Variants in MOV10L1 observed in about 807,000 individuals in gnomAD.
MOV10L1 encodes RNA helicase Mov10l1.
Under a neutral mutation model 143.8 loss-of-function variants are expected in MOV10L1, and 110 were observed. The observed-to-expected ratio is 0.76, with a 90% CI of 0.66 to 0.90. MOV10L1 has a LOEUF of 0.90. Among genes scored for constraint, MOV10L1 ranks in the 40% least tolerant of loss-of-function variants. The pLI is 0.00. For missense variants in MOV10L1, 1,406 were observed against 1,526.8 expected, an observed-to-expected ratio of 0.92 and a Z score of 1.32; for synonymous variants, 593 against 581.1, an observed-to-expected ratio of 1.02 and a Z score of -0.29.
At chr22:50,091,761 A>AC (rs2062449867) in intron 1 of MOV10L1, among the ~76,000 whole-genome samples, 1 of 151,946 alleles carries the variant, frequency 6.6e-6, no homozygotes, top group Non-Finnish European at 1.5e-5. Flanking sequence ...CAGGGCTGTC[A>AC]CCTCCACAAC....
intron 2 of MOV10L1, chr22:50,096,252 A>AT (rs1449064320): frequency 1.3e-5 from 2 of 152,236 alleles, no homozygotes; most frequent in Non-Finnish European, 2.9e-5. Context: ...AATACCTCAT[A>AT]TAAGCGGAAT....
intron 15 of MOV10L1, among the ~76,000 whole-genome samples, chr22:50,138,577 GA>G (rs2062897037): frequency 6.6e-6 from 1 of 151,122 alleles, no homozygotes; most frequent in African/African-American, 2.4e-5. Flanking sequence ...AAATAGAAAA[GA>G]AAAAAAATCT....
intron 13 of MOV10L1, among the ~76,000 whole-genome samples, chr22:50,130,732 A>G (rs2062649524): frequency 6.6e-6 from 1 of 152,192 alleles, no homozygotes; most frequent in Non-Finnish European, 1.5e-5. Flanking sequence ...GGTAGAAGGC[A>G]CACAGCCTCC....
rs764138000 is a variant in MOV10L1 at position 50,134,568 on chromosome 22, G to C, written c.2008G>C (p.Val670Leu). Residue 670 changes from valine to leucine, a missense_variant, in exon 15 of 27, where the codon GTG becomes CTG. Physicochemically the swap from Val to Leu is conservative, Grantham distance 32. Coordinates refer to ENST00000262794, the MANE Select transcript of MOV10L1 (RefSeq NM_018995.3). ...PEEIILQSPQVTGNWNHAQDT... is the reference protein window; with the variant it reads ...PEEIILQSPQLTGNWNHAQDT... ...AGAAATTATTTTACAGTCTCCACAA[G>C]TGACGGGAAATTGGAACCATGCACA... The C allele has an allele frequency of 1.2e-6, 2 of 1,614,202 alleles. No homozygotes were observed. The highest frequency in any genetic ancestry group is 8.5e-7 in the Non-Finnish European group (1 of 1,180,024).
chr22:50,141,609 G>A (rs2062990251), intron 15 of MOV10L1, among the ~76,000 whole-genome samples: 1 of 152,026 alleles, frequency 6.6e-6, no homozygotes, highest in Non-Finnish European at 1.5e-5. Context: ...CACAGTGGTG[G>A]GATGATAAGC....
chr22:50,117,152 T>G lies in MOV10L1; in HGVS notation c.1260-5T>G. On this transcript the variant is annotated splice_region_variant and splice_polypyrimidine_tract_variant and intron_variant, in intron 8 of 26. Transcript: ENST00000262794. ...AAAACTAAATTTCATTTTGTTTTTT[T>G]CAAGAAATCCTGGCCGCTGCAAGGA... 6.3e-7 allele frequency: 1 copy of G among 1,585,180 alleles called. No homozygotes were observed. The highest frequency in any genetic ancestry group is 8.6e-7 in the Non-Finnish European group (1 of 1,167,722).
At chr22:50,114,736 G>A (rs2062122137) in intron 7 of MOV10L1, 114 bp downstream of exon 7, 3 of 1,456,970 alleles carry the variant, frequency 2.1e-6, no homozygotes, top group Non-Finnish European at 2.8e-6. Context: ...CAGCTACAGT[G>A]CTTTGTGCTC....
At chr22:50,098,867 G>A (rs2062664875) in intron 2 of MOV10L1, among the ~76,000 whole-genome samples, 1 of 152,088 alleles carries the variant, frequency 6.6e-6, no homozygotes, top group Admixed American at 6.6e-5. Flanking sequence ...TTTATTGAGT[G>A]TTTGCATCAT....
chr22:50,160,721 C>A lies in MOV10L1; in HGVS notation c.3358C>A (p.Arg1120=). Reference sequence around the variant, plus strand: ...AAATGAAGATAGATTTGAAGATGATCGATATTTTTTGGGTTTCTTGTCCAA... The same window carrying A: ...AAATGAAGATAGATTTGAAGATGATAGATATTTTTTGGGTTTCTTGTCCAA... ...RSNEDRFEDD[R]YFLGFLSNSK... Residue 1120 remains arginine (R), a synonymous_variant, in exon 25 of 27, where the codon CGA becomes AGA. Coordinates refer to ENST00000262794, the MANE Select transcript of MOV10L1 (RefSeq NM_018995.3). 1 of 1,614,004 alleles carries A rather than the reference C, an allele frequency of 6.2e-7. No homozygotes were observed. The highest frequency in any genetic ancestry group is 8.5e-7 in the Non-Finnish European group (1 of 1,179,992).
chr22:50,120,446 C>A, intron 9 of MOV10L1, 56 bp from the exon 10 acceptor site: 1 of 1,099,854 alleles, frequency 9.1e-7, no homozygotes, highest in South Asian at 1.4e-5. Context: ...GTAAGAATGT[C>A]TAGTGATACC....
At position 50,090,009 on chromosome 22, in the gene MOV10L1, G is replaced by T; in HGVS notation, c.-80G>T. On this transcript the variant is annotated 5_prime_UTR_variant, in exon 1 of 27. Coordinates refer to ENST00000262794, the MANE Select transcript of MOV10L1 (RefSeq NM_018995.3). ...CATGCCCAGGCGCGGCGACCCCATT[G>T]GTGGCGGGCGGCGGGAGCGGCGCGG... The T allele has an allele frequency of 9.1e-7, 1 of 1,098,338 alleles. No homozygotes were observed. Among genetic ancestry groups the T allele is most frequent in the Non-Finnish European group, 1.1e-6 (1 of 893,620 alleles). The allele number at this position is 1,098,338 out of a possible 1,614,324, so 68.0% of individuals were successfully genotyped here.
Position 50,159,610 on chromosome 22 carries a change from AAAAG to A in MOV10L1, c.3217-67_3217-64del. 1.7e-6 allele frequency: 2 copies of A among 1,164,610 alleles called. No individual in the cohort carries two copies. Among genetic ancestry groups the A allele is most frequent in the Non-Finnish European group, 2.5e-6 (2 of 810,698 alleles). The allele number at this position is 1,164,610 out of a possible 1,614,324, so 72.1% of individuals were successfully genotyped here. A position where few individuals can be genotyped will look rare whatever the true frequency, so the allele number is the denominator to read the frequency against. On this transcript the variant is annotated intron_variant, in intron 23 of 26. Coordinates refer to ENST00000262794, the MANE Select transcript of MOV10L1 (RefSeq NM_018995.3). This position sits in a 1 kb window ranked among gnomAD's most constrained non-coding sequence, Gnocchi z 4.1. Reference sequence around the variant, plus strand: ...GAGTAATACTCCATCTCAAAAAAAAAAAAGGAAAAGAAAAGAAATGGATTTGTAC... The same window carrying A: ...GAGTAATACTCCATCTCAAAAAAAAAGAAAAGAAAAGAAATGGATTTGTAC...
intron 3 of MOV10L1, among the ~76,000 whole-genome samples, chr22:50,101,764 G>A (rs1296384796): frequency 5.9e-5 from 9 of 151,548 alleles, no homozygotes; most frequent in Middle Eastern, 3.4e-3. Flanking sequence ...CACCCACCTC[G>A]GCCTCCCAAA....
At chr22:50,123,655 A>G (rs148381953) in intron 10 of MOV10L1, among the ~76,000 whole-genome samples, 1,719 of 152,352 alleles carry the variant, frequency 0.011, 14 homozygotes, top group Non-Finnish European at 0.02. Flanking sequence ...GGATCAGGGT[A>G]ATGCTGGCCT....
At chr22:50,132,436 CT>C (rs2147270325) in intron 13 of MOV10L1, among the ~76,000 whole-genome samples, 1 of 152,248 alleles carries the variant, frequency 6.6e-6, no homozygotes, top group South Asian at 2.1e-4. Context: ...TCCTCCAGCC[CT>C]TGAAAAGGGT....
chr22:50,125,635 C>A, intron 11 of MOV10L1, 66 bp downstream of exon 11: 1 of 1,479,336 alleles, frequency 6.8e-7, no homozygotes, highest in Non-Finnish European at 9.2e-7. Flanking sequence ...AGAGAAGATA[C>A]TCTTTAACTG....
At chr22:50,150,945 A>G (rs748160972) in intron 21 of MOV10L1, 46 bp downstream of exon 21, 1 of 1,611,252 alleles carries the variant, frequency 6.2e-7, no homozygotes, top group Non-Finnish European at 8.5e-7. Flanking sequence ...CTAAGCAGAC[A>G]CAGGCTCCAG....
chr22:50,090,230 G>T (rs976052655), intron 1 of MOV10L1, 45 bp downstream of exon 1: 3 of 1,406,194 alleles, frequency 2.1e-6, no homozygotes, highest in South Asian at 1.6e-5. Flanking sequence ...GGGCCCTCGC[G>T]TGTCGGCCAC....
At chr22:50,137,656 G>A (rs2062856144) in intron 15 of MOV10L1, among the ~76,000 whole-genome samples, 1 of 151,536 alleles carries the variant, frequency 6.6e-6, no homozygotes, top group Non-Finnish European at 1.5e-5. Flanking sequence ...AGTGAGCCAA[G>A]ATCATGCCAC....
Sources: allele counts gnomAD v4.1 joint callset (sites outside exome capture counted in the v4.1 genomes callset), GRCh38; gene constraint gnomAD v4.1.1; non-coding constraint Gnocchi (gnomAD v3.1); transcripts MANE v1.5; gene names NCBI Gene and HGNC (gene_info 2026-07-23, HGNC 2026-07-21).